Variants in KCMF1 observed in about 807,000 individuals in gnomAD.
KCMF1 encodes the protein potassium channel modulatory factor 1.
KCMF1 carries 3 observed loss-of-function variants against 41.1 expected under a neutral mutation model. That is an observed-to-expected ratio of 0.07 (90% CI 0.03 to 0.19). The LOEUF is 0.19. KCMF1 is among the 10% of genes least tolerant of loss of function. KCMF1 has a pLI of 1.00. For missense variants in KCMF1, 286 were observed against 488.9 expected (o/e 0.58, Z 3.91); for synonymous variants, 142 against 164.5 (o/e 0.86, Z 1.04).
chr2:85,001,009 T>G (rs1412322808), intron 1 of KCMF1, among the ~76,000 whole-genome samples: 1 of 151,242 alleles, frequency 6.6e-6, no homozygotes, highest in Non-Finnish European at 1.5e-5. Flanking sequence ...GTCTTTTTTT[T>G]GTAGGGATGG....
intron 1 of KCMF1, among the ~76,000 whole-genome samples, chr2:84,998,820 C>G (rs531511634): frequency 6.6e-6 from 1 of 150,628 alleles, no homozygotes; most frequent in South Asian, 2.1e-4. Flanking sequence ...CCATGTTGGT[C>G]AGGCTGGTCT....
intron 1 of KCMF1, among the ~76,000 whole-genome samples, chr2:85,025,396 T>G (rs1558579826): frequency 6.6e-6 from 1 of 152,174 alleles, no homozygotes; most frequent in Non-Finnish European, 1.5e-5. Flanking sequence ...TTTTAACCCC[T>G]TTTAGGTGTA....
chr2:84,982,389 C>CTTTTTTTTTTTTTTT lies in KCMF1; in HGVS notation c.16+10941_16+10955dup, dbSNP rs34687477. Among the ~76,000 whole-genome samples the CTTTTTTTTTTTTTTT allele has an allele frequency of 1.4e-3, 64 of 47,262 alleles. 16 individuals are homozygous for CTTTTTTTTTTTTTTT. The highest frequency in any genetic ancestry group is 3.1e-3 in the African/African-American group (35 of 11,240). 31.0% of individuals were successfully genotyped at this position (47,262 alleles called of 152,430 possible). ...GAGTTACAGATGTGTTCCTTATTTT[C>CTTTTTTTTTTTTTTT]TTTTTTTTTTTTTTTTTTTTTTTTT... On this transcript the variant is annotated intron_variant, in intron 1 of 6. Coordinates refer to ENST00000409785, the MANE Select transcript of KCMF1 (RefSeq NM_020122.5).
At chr2:85,044,092 C>T (rs916697768) in intron 4 of KCMF1, among the ~76,000 whole-genome samples, 1 of 152,122 alleles carries the variant, frequency 6.6e-6, no homozygotes, top group Non-Finnish European at 1.5e-5. Context: ...CAAATTGTGT[C>T]TTCCAGGATG....
In KCMF1 at chr2:85,008,336, A is replaced by C; in HGVS notation, c.17-19553A>C. ...ATATATATATCATATATAATATATAATATGATATATAATATATAATATATA... is the reference window on the plus strand; with the variant it reads ...ATATATATATCATATATAATATATACTATGATATATAATATATAATATATA... On this transcript the variant is annotated intron_variant, in intron 1 of 6. Transcript: ENST00000409785. 6.8e-4 allele frequency among the ~76,000 whole-genome samples: 3 copies of C among 4,388 alleles called. 1 individual carries two copies. Among genetic ancestry groups the C allele is most frequent in the African/African-American group, 1.0e-3 (3 of 2,934 alleles). 2.9% of individuals were successfully genotyped at this position (4,388 alleles called of 152,430 possible).
rs115497074 is a variant in KCMF1 at position 84,983,908 on chromosome 2, G to A, written c.16+12441G>A. Among the ~76,000 whole-genome samples, 896 of 152,276 alleles carry A rather than the reference G, an allele frequency of 5.9e-3. 7 individuals carry two copies. Among genetic ancestry groups the A allele is most frequent in the Middle Eastern group, 0.01 (3 of 294 alleles). On this transcript the variant is annotated intron_variant, in intron 1 of 6. Coordinates refer to ENST00000409785, the MANE Select transcript of KCMF1 (RefSeq NM_020122.5). The stretch of plus-strand genomic sequence containing the variant: ...CAATCCTACCTTGGTCTCCTACAGT[G>A]CTGGGATTACAGGAGTGAGTCCCTA...
chr2:84,994,138 C>T (rs1049923138), intron 1 of KCMF1, among the ~76,000 whole-genome samples: 27 of 151,310 alleles, frequency 1.8e-4, no homozygotes, highest in African/African-American at 6.1e-4. Context: ...TTGGTAGAGG[C>T]GAGGTTTCAC....
chr2:85,047,517 A>G (rs1364926104), intron 5 of KCMF1, among the ~76,000 whole-genome samples: 1 of 151,856 alleles, frequency 6.6e-6, no homozygotes, highest in Non-Finnish European at 1.5e-5. Context: ...GTAGGACTTA[A>G]TGTCCTGACC....
At chr2:85,011,121 G>A (rs762942493) in intron 1 of KCMF1, among the ~76,000 whole-genome samples, 3 of 152,140 alleles carry the variant, frequency 2.0e-5, no homozygotes, top group South Asian at 2.1e-4. Flanking sequence ...GATTACAGAC[G>A]TGAGCCACCG....
chr2:84,975,840 G>A (rs1447032581), intron 1 of KCMF1, among the ~76,000 whole-genome samples: 8 of 152,070 alleles, frequency 5.3e-5, no homozygotes, highest in African/African-American at 1.4e-4. Context: ...CAAATTGCTC[G>A]CTGCTTATTA....
chr2:84,998,009 G>A (rs929940382), intron 1 of KCMF1, among the ~76,000 whole-genome samples: 2 of 151,820 alleles, frequency 1.3e-5, no homozygotes, highest in African/African-American at 2.4e-5. Flanking sequence ...CTGACCTCAA[G>A]TGATCTGCCC....
rs756397680 is a variant in KCMF1 at position 85,056,338 on chromosome 2, A to G, written c.*2929A>G. On this transcript the variant is annotated 3_prime_UTR_variant, in exon 7 of 7. Coordinates refer to ENST00000409785, the MANE Select transcript of KCMF1 (RefSeq NM_020122.5). ...TTCCCTCTCAATATTAGAAATTTCA[A>G]TAATATGCTGACAGATTTTCAAAGG... The G allele has an allele frequency of 9.2e-5, 14 of 152,148 alleles. No individual in the cohort carries two copies. Among genetic ancestry groups the G allele is most frequent in the African/African-American group, 1.4e-4 (6 of 41,430 alleles). 9.4% of individuals were successfully genotyped at this position (152,148 alleles called of 1,614,324 possible). A position where few individuals can be genotyped will look rare whatever the true frequency, so the allele number is the denominator to read the frequency against.
At chr2:85,043,805 C>T in intron 4 of KCMF1, 140 bp downstream of exon 4, 1 of 668,606 alleles carries the variant, frequency 1.5e-6, no homozygotes, top group South Asian at 1.6e-5. Flanking sequence ...CTGCTTCAGC[C>T]TCTTGAGTAG....
chr2:85,000,463 C>T lies in KCMF1; in HGVS notation c.17-27426C>T, dbSNP rs192137485. On this transcript the variant is annotated intron_variant, in intron 1 of 6. Transcript: ENST00000409785. ...TAATCTCAATAAAATCTAGCAAGAA[C>T]CCTGTGTTTCATAAGCCCCTTGTAA... is the stretch of plus-strand genomic sequence containing the variant. Among the ~76,000 whole-genome samples the T allele has an allele frequency of 1.6e-4, 25 of 152,264 alleles. 1 individual carries two copies. Among genetic ancestry groups the T allele is most frequent in the Admixed American group, 5.9e-4 (9 of 15,290 alleles).
At position 85,049,778 on chromosome 2, in the gene KCMF1, T is replaced by C. The variant is rs77469748; in HGVS notation, c.884+130T>C. 4,668 of 730,030 alleles carry C rather than the reference T, an allele frequency of 6.4e-3. 23 individuals are homozygous for C. The highest frequency in any genetic ancestry group is 0.015 in the Middle Eastern group (43 of 2,848). The allele number at this position is 730,030 out of a possible 1,614,324, so 45.2% of individuals were successfully genotyped here. Reference sequence around the variant, plus strand: ...TGTGTTTGATTAAAACTCACAGATCTCTGATTAAAACGCATATTCAGTATT... The same window carrying C: ...TGTGTTTGATTAAAACTCACAGATCCCTGATTAAAACGCATATTCAGTATT... On this transcript the variant is annotated intron_variant, in intron 6 of 6. Coordinates refer to ENST00000409785, the MANE Select transcript of KCMF1 (RefSeq NM_020122.5).
chr2:85,018,364 G>A (rs566344674), intron 1 of KCMF1, among the ~76,000 whole-genome samples: 37 of 149,648 alleles, frequency 2.5e-4, no homozygotes, highest in African/African-American at 8.4e-4. Flanking sequence ...CTGCCTCCCA[G>A]GTTCAAGCGA....
intron 1 of KCMF1, among the ~76,000 whole-genome samples, chr2:84,993,917 GTTTTGTTTTGTT>G (rs1674111106): frequency 9.8e-6 from 1 of 101,724 alleles, no homozygotes; most frequent in African/African-American, 4.6e-5. Flanking sequence ...GTTTTGTTTT[GTTTTGTTTTGTT>G]TTGTTTTGTT....
At chr2:85,038,573 A>G (rs950304620) in intron 3 of KCMF1, among the ~76,000 whole-genome samples, 2 of 152,216 alleles carry the variant, frequency 1.3e-5, no homozygotes, top group Non-Finnish European at 2.9e-5. Flanking sequence ...TGGCCGTGGC[A>G]TTTAGTTAAC....
chr2:85,023,418 A>C (rs866905788), intron 1 of KCMF1, among the ~76,000 whole-genome samples: 12 of 143,432 alleles, frequency 8.4e-5, no homozygotes, highest in African/African-American at 3.1e-4. Flanking sequence ...TCCTGGGTTC[A>C]CGCCATTCTC....
Sources: allele counts gnomAD v4.1 joint callset (sites outside exome capture counted in the v4.1 genomes callset), GRCh38; gene constraint gnomAD v4.1.1; transcripts MANE v1.5; gene names NCBI Gene and HGNC (gene_info 2026-07-23, HGNC 2026-07-21).